HEXA: variants seen among roughly 807,000 people sequenced by gnomAD.
HEXA encodes the protein hexosaminidase subunit alpha, also known as beta-hexosaminidase subunit alpha.
HEXA carries 54 observed loss-of-function variants against 73.3 expected under a neutral mutation model. The ratio of observed to expected loss-of-function variants is 0.74; its 90% CI spans 0.59 to 0.92. The LOEUF is 0.92. HEXA is among the 40% of genes least tolerant of loss of function. The pLI, the probability that HEXA is intolerant of heterozygous loss-of-function variation, is 0.00. For missense variants in HEXA, 649 were observed against 653.0 expected, an observed-to-expected ratio of 0.99 and a Z score of 0.07; for synonymous variants, 230 against 246.9, an observed-to-expected ratio of 0.93 and a Z score of 0.64.
At chr15:72,350,152 ACAG>A in intron 7 of HEXA, 2 of 348,934 alleles carry the variant, frequency 5.7e-6, no homozygotes, top group South Asian at 2.4e-5. Flanking sequence ...CTGAGGGTAT[ACAG>A]AAGAAAGGGA....
chr15:72,351,432 C>G (rs2088695019), intron 5 of HEXA, 198 bp from the exon 6 acceptor site: 1 of 638,628 alleles, frequency 1.6e-6, no homozygotes, highest in Non-Finnish European at 2.8e-6. Flanking sequence ...GCCCAGCACA[C>G]TTCTACTTTT....
intron 1 of HEXA, among the ~76,000 whole-genome samples, chr15:72,367,632 C>T (rs925704075): frequency 2.6e-5 from 4 of 152,176 alleles, no homozygotes; most frequent in Admixed American, 2.0e-4. Flanking sequence ...TAGGATAAAG[C>T]TCCATTCCTT....
chr15:72,350,587 C>T lies in HEXA; in HGVS notation c.736G>A (p.Ala246Thr), dbSNP rs758166013. 7 of 1,613,736 alleles carry T rather than the reference C, an allele frequency of 4.3e-6. No homozygotes were observed. Among genetic ancestry groups the T allele is most frequent in the South Asian group, 1.1e-5 (1 of 91,076 alleles). Residue 246 changes from alanine (A) to threonine (T), a missense_variant, in exon 7 of 14, where the codon GCA becomes ACA. Coordinates refer to ENST00000268097, the MANE Select transcript of HEXA (RefSeq NM_000520.6). The stretch of plus-strand genomic sequence containing the variant: ...AGCACACGGATACCCCGGAGCCGTG[C>T]GTATTCAATGACCTCCTTCACATCC... ...AQDVKEVIEY[A>T]RLRGIRVLAE...
At position 72,346,314 on chromosome 15, in the gene HEXA, G is replaced by C. The variant is rs2088612933; in HGVS notation, c.1342C>G (p.Gln448Glu). ...EPLAFEGTPE[Q>E]KALVIGGEAC... The stretch of plus-strand genomic sequence containing the variant: ...TCTCCACCAATCACCAGAGCCTTCT[G>C]CTCAGGGGTACCTGAGGGAAAACAA... Residue 448 changes from glutamine to glutamate, a missense_variant, in exon 12 of 14, where the codon CAG (glutamine) becomes GAG (glutamate). Gln to Glu is a conservative substitution (Grantham distance 29). Coordinates refer to ENST00000268097, the MANE Select transcript of HEXA (RefSeq NM_000520.6). The C allele has an allele frequency of 1.2e-6, 2 of 1,613,518 alleles. No individual in the cohort carries two copies. The highest frequency in any genetic ancestry group is 1.1e-5 in the South Asian group (1 of 91,040).
chr15:72,363,915 A>C (rs953595479), intron 1 of HEXA, among the ~76,000 whole-genome samples: 1 of 152,098 alleles, frequency 6.6e-6, no homozygotes. Flanking sequence ...ATTTTGCACA[A>C]TTTTCCAATT....
At chr15:72,368,244 T>C (rs1235320112) in intron 1 of HEXA, among the ~76,000 whole-genome samples, 1 of 152,214 alleles carries the variant, frequency 6.6e-6, no homozygotes, top group Non-Finnish European at 1.5e-5. Flanking sequence ...TAATTAACAC[T>C]AAGATGTGAT....
At position 72,350,699 on chromosome 15, in the gene HEXA, A is replaced by G. The variant is rs762299363; in HGVS notation, c.673-49T>C. 4.3e-6 allele frequency: 7 copies of G among 1,611,758 alleles called. No homozygotes were observed. The Admixed American group carries it at 1.2e-4, about 27-fold the overall frequency. On this transcript the variant is annotated intron_variant, in intron 6 of 13. Transcript: ENST00000268097. ...AGGTTCACACTTCCTGAAAGCTAGC[A>G]GAGTAGAAGATACTCAAAATGCCCA...
chr15:72,352,153 T>G (rs2088707066), intron 5 of HEXA, among the ~76,000 whole-genome samples: 1 of 152,158 alleles, frequency 6.6e-6, no homozygotes, highest in Admixed American at 6.5e-5. Flanking sequence ...AGATGGGGTT[T>G]CACCGTCTTG....
chr15:72,373,995 C>T (rs1387148185), intron 1 of HEXA, among the ~76,000 whole-genome samples: 13 of 139,752 alleles, frequency 9.3e-5, no homozygotes, highest in South Asian at 2.2e-4. Context: ...AGTGATAAAG[C>T]GAGACTCCGT....
At chr15:72,344,931 T>G (rs145393752) in intron 13 of HEXA, among the ~76,000 whole-genome samples, 2 of 152,364 alleles carry the variant, frequency 1.3e-5, no homozygotes, top group Non-Finnish European at 2.9e-5. Context: ...GGCAAGGTCC[T>G]GAACTCTGTG....
Position 72,353,125 on chromosome 15 carries a change from GCCC to G in HEXA, c.510_512del (p.Gly171del), listed in dbSNP as rs2088723747. On this transcript the variant is annotated inframe_deletion, in exon 5 of 14. Coordinates refer to ENST00000268097, the MANE Select transcript of HEXA (RefSeq NM_000520.6). ...AATGGCGAGATGTATCCAACAGCAAGCCCCGGTGAGGAAAGCGGGGAAAGTCCT... is the reference window on the plus strand; with the variant it reads ...AATGGCGAGATGTATCCAACAGCAAGCGGTGAGGAAAGCGGGGAAAGTCCT... 1 of 1,613,722 alleles carries G rather than the reference GCCC, an allele frequency of 6.2e-7. No homozygotes were observed. The highest frequency in any genetic ancestry group is 8.5e-7 in the Non-Finnish European group (1 of 1,179,752).
rs2088574907 is a variant in HEXA at position 72,343,669 on chromosome 15, T to A, written c.*408A>T. 3.7e-6 allele frequency: 1 copy of A among 268,646 alleles called. No homozygotes were observed. The highest frequency in any genetic ancestry group is 7.4e-6 in the Non-Finnish European group (1 of 135,610). The allele number at this position is 268,646 out of a possible 1,614,324, so 16.6% of individuals were successfully genotyped here. On this transcript the variant is annotated 3_prime_UTR_variant, in exon 14 of 14. Transcript: ENST00000268097. ...TTGGAGATATAATGCAGAAGTGAAG[T>A]GAGCAGGCTGAGGATTAGGGCAGGT...
At chr15:72,357,083 G>A (rs544758471) in intron 1 of HEXA, 9 of 269,426 alleles carry the variant, frequency 3.3e-5, no homozygotes, top group Non-Finnish European at 6.6e-5. Context: ...TAAACACACT[G>A]TCTAGTTCTA....
rs114981825 is a variant in HEXA, at chr15:72,347,936, G to A, written c.1073+112C>T. On this transcript the variant is annotated intron_variant, in intron 9 of 13. Transcript: ENST00000268097. ...CTGAAAGGATGGGACAAAGGACAAGGGAACCCTGCAGGGACCAGACAGTGG... is the reference window on the plus strand; with the variant it reads ...CTGAAAGGATGGGACAAAGGACAAGAGAACCCTGCAGGGACCAGACAGTGG... 377 of 981,806 alleles carry A rather than the reference G, an allele frequency of 3.8e-4. 2 individuals carry two copies. The African/African-American group carries it at 5.5e-3, about 14-fold the overall frequency. 60.8% of individuals were successfully genotyped at this position (981,806 alleles called of 1,614,324 possible). A position where few individuals can be genotyped will look rare whatever the true frequency, so the allele number is the denominator to read the frequency against.
intron 1 of HEXA, among the ~76,000 whole-genome samples, chr15:72,361,045 C>T (rs930717115): frequency 6.6e-6 from 1 of 152,188 alleles, no homozygotes; most frequent in Non-Finnish European, 1.5e-5. Context: ...CACCAAAGTC[C>T]TGTGGTTCTG....
At chr15:72,371,293 G>A (rs2140340477) in intron 1 of HEXA, among the ~76,000 whole-genome samples, 1 of 152,262 alleles carries the variant, frequency 6.6e-6, no homozygotes, top group East Asian at 1.9e-4. Context: ...TGAAAGGAAA[G>A]GTAATCCTCA....
intron 1 of HEXA, among the ~76,000 whole-genome samples, chr15:72,361,254 T>C (rs559396624): frequency 3.3e-5 from 5 of 152,314 alleles, no homozygotes; most frequent in African/African-American, 1.2e-4. Context: ...ATCTCTGACC[T>C]TCTTGAAACT....
intron 1 of HEXA, chr15:72,370,096 TA>T (rs61329913): frequency 0.84 from 107,490 of 128,126 alleles, 47,536 homozygotes; most frequent in Non-Finnish European, 0.98. Flanking sequence ...CAGGCAGAGT[TA>T]AAAAAAAAAA....
chr15:72,371,430 T>C (rs539841304), intron 1 of HEXA, among the ~76,000 whole-genome samples: 1 of 151,822 alleles, frequency 6.6e-6, no homozygotes, highest in Admixed American at 6.6e-5. Context: ...AACATGGTGG[T>C]ACTCCATCTC....
Sources: allele counts gnomAD v4.1 joint callset (sites outside exome capture counted in the v4.1 genomes callset), GRCh38; gene constraint gnomAD v4.1.1; transcripts MANE v1.5; gene names NCBI Gene and HGNC (gene_info 2026-07-23, HGNC 2026-07-21).